APLF: variants seen among roughly 807,000 people sequenced by gnomAD.
APLF encodes aprataxin and PNK-like factor.
Under a neutral mutation model 55.6 loss-of-function variants are expected in APLF, and 61 were observed. That is an observed-to-expected ratio of 1.10 (90% confidence interval 0.89 to 1.36). The LOEUF (loss-of-function observed/expected upper bound fraction) is 1.36, where lower values mean the gene tolerates loss of function less well. Among genes scored for constraint, APLF ranks in the 40% most tolerant of loss-of-function variants. APLF has a pLI of 0.00. For synonymous variants in APLF, 207 were observed against 214.8 expected (o/e 0.96, Z 0.32); for missense variants, 611 against 602.5 (o/e 1.01, Z -0.15).
chr2:68,536,371 T>G (rs1670386914), intron 6 of APLF, among the ~76,000 whole-genome samples: 1 of 152,208 alleles, frequency 6.6e-6, no homozygotes, highest in Admixed American at 6.5e-5. Flanking sequence ...AAATATCTTC[T>G]TAAGAAATTT....
chr2:68,517,379 AAT>A lies in APLF; in HGVS notation c.622+3704_622+3705del, dbSNP rs373411747. Among the ~76,000 whole-genome samples the A allele has an allele frequency of 8.8e-3, 1,158 of 131,722 alleles. 8 individuals are homozygous for A. The highest frequency in any genetic ancestry group is 0.016 in the Admixed American group (198 of 12,146). 86.4% of individuals were successfully genotyped at this position (131,722 alleles called of 152,430 possible). A position where few individuals can be genotyped will look rare whatever the true frequency, so the allele number is the denominator to read the frequency against. ...TTACTATATAATATATTCATATAGT[AAT>A]ATATGTTATTACTATATATTAATAT... On this transcript the variant is annotated intron_variant, in intron 5 of 9. Transcript: ENST00000303795.
At chr2:68,512,624 T>C (rs1282428353) in intron 3 of APLF, among the ~76,000 whole-genome samples, 1 of 151,830 alleles carries the variant, frequency 6.6e-6, no homozygotes, top group Non-Finnish European at 1.5e-5. Context: ...ATTTCATAAG[T>C]AGCTCTTTAA....
At chr2:68,563,822 G>A (rs1239082727) in intron 8 of APLF, among the ~76,000 whole-genome samples, 3 of 151,942 alleles carry the variant, frequency 2.0e-5, no homozygotes, top group Non-Finnish European at 1.5e-5. Flanking sequence ...GGTACCCGAA[G>A]CAAACATATA....
intron 1 of APLF, among the ~76,000 whole-genome samples, chr2:68,480,853 T>G (rs1573152459): frequency 6.6e-6 from 1 of 152,192 alleles, no homozygotes; most frequent in South Asian, 2.1e-4. Flanking sequence ...ATATTTTTTC[T>G]GAATCTCTTG....
At chr2:68,568,431 T>G (rs1573276184) in intron 9 of APLF, 2 of 449,812 alleles carry the variant, frequency 4.4e-6, no homozygotes, top group Middle Eastern at 1.1e-3. Context: ...AGTGCTTTAG[T>G]ACTCCAGACA....
chr2:68,548,398 C>G (rs976606704), intron 8 of APLF, among the ~76,000 whole-genome samples: 11 of 151,766 alleles, frequency 7.2e-5, no homozygotes, highest in Admixed American at 1.3e-4. Flanking sequence ...TTTTAAATTG[C>G]TATTGCTTTT....
chr2:68,502,108 T>C (rs1313910323), intron 2 of APLF, among the ~76,000 whole-genome samples: 1 of 152,154 alleles, frequency 6.6e-6, no homozygotes, highest in Non-Finnish European at 1.5e-5. Flanking sequence ...CCCGAGATAA[T>C]GAATCCACTC....
chr2:68,502,839 G>A lies in APLF; in HGVS notation c.277G>A (p.Val93Ile), dbSNP rs1360721585. Residue 93 changes from valine to isoleucine, a missense_variant, in exon 3 of 10, where the codon GTT becomes ATT. Coordinates refer to ENST00000303795, the MANE Select transcript of APLF (RefSeq NM_173545.3). Reference sequence around the variant, plus strand: ...TCCTGGAGACAGCTTTTCTTTGTTAGTTGACAAATACATTTTCCGCATTCT... The same window carrying A: ...TCCTGGAGACAGCTTTTCTTTGTTAATTGACAAATACATTTTCCGCATTCT... ...LNPGDSFSLL[V>I]DKYIFRILSI... 5 of 1,606,622 alleles carry A rather than the reference G, an allele frequency of 3.1e-6. No homozygotes were observed. In the Admixed American group the frequency reaches 6.9e-5, roughly 22 times the overall value.
chr2:68,493,569 C>A (rs530796669), intron 2 of APLF, among the ~76,000 whole-genome samples: 68 of 152,236 alleles, frequency 4.5e-4, no homozygotes, highest in African/African-American at 1.5e-3. Flanking sequence ...ATGATAACTA[C>A]AACAGGGAGA....
rs1197285123 is a variant in APLF, at chr2:68,579,978, A to G, written c.*1956A>G. The G allele has an allele frequency of 1.1e-6, 1 of 872,252 alleles. No homozygotes were observed. The highest frequency in any genetic ancestry group is 6.2e-5 in the Admixed American group (1 of 16,084). 54.0% of individuals were successfully genotyped at this position (872,252 alleles called of 1,614,324 possible). A position where few individuals can be genotyped will look rare whatever the true frequency, so the allele number is the denominator to read the frequency against. ...TCAATAAATCTGTCACAAAAAAGTA[A>G]TGCAAAGGGTAATACCAGTCTTTTA... On this transcript the variant is annotated 3_prime_UTR_variant, in exon 10 of 10. Transcript: ENST00000303795.
At chr2:68,575,700 T>C (rs1224343454) in intron 9 of APLF, among the ~76,000 whole-genome samples, 1 of 151,868 alleles carries the variant, frequency 6.6e-6, no homozygotes, top group Non-Finnish European at 1.5e-5. Flanking sequence ...GATTTCTTGC[T>C]AAAACAACTA....
chr2:68,531,844 A>G (rs1261141053), intron 6 of APLF, among the ~76,000 whole-genome samples: 1 of 152,238 alleles, frequency 6.6e-6, no homozygotes, highest in Non-Finnish European at 1.5e-5. Context: ...TAGATTATAG[A>G]GAGGAGCAGA....
Position 68,542,652 on chromosome 2 carries a change from A to C in APLF, c.1161-2535A>C, listed in dbSNP as rs1670589063. On this transcript the variant is annotated intron_variant, in intron 7 of 9. Transcript: ENST00000303795. ...TGCTTTCAAAAACGAAATGAAAAAC[A>C]AGTAACAATTGTTGATGGGGATGTG... 2.0e-5 allele frequency among the ~76,000 whole-genome samples: 3 copies of C among 152,190 alleles called. No homozygotes were observed. The South Asian group carries it at 6.2e-4, about 32-fold the overall frequency.
chr2:68,569,696 G>T (rs1671401089), intron 9 of APLF, among the ~76,000 whole-genome samples: 1 of 152,106 alleles, frequency 6.6e-6, no homozygotes, highest in South Asian at 2.1e-4. Context: ...TAGAATAAAG[G>T]GTTAGAACTA....
At chr2:68,574,080 T>TAAA (rs74533891) in intron 9 of APLF, among the ~76,000 whole-genome samples, 1 of 129,624 alleles carries the variant, frequency 7.7e-6, no homozygotes, top group Non-Finnish European at 1.7e-5. Context: ...TAACCCAAAT[T>TAAA]AAAAAAAAAA....
chr2:68,477,491 A>C (rs1319392477), intron 1 of APLF, among the ~76,000 whole-genome samples: 2 of 151,968 alleles, frequency 1.3e-5, no homozygotes, highest in Non-Finnish European at 2.9e-5. Flanking sequence ...TAAAAAAAAA[A>C]TTAGCTAGGC....
intron 4 of APLF, 149 bp downstream of exon 4, chr2:68,513,376 C>T: frequency 8.0e-7 from 1 of 1,242,958 alleles, no homozygotes; most frequent in South Asian, 1.5e-5. Flanking sequence ...GAGAATATGG[C>T]AGTAATCCAA....
intron 5 of APLF, among the ~76,000 whole-genome samples, chr2:68,518,505 A>C (rs1342139818): frequency 8.5e-6 from 1 of 117,186 alleles, no homozygotes; most frequent in Admixed American, 1.0e-4. Flanking sequence ...ATATATAATA[A>C]TGTTAATATA....
chr2:68,558,894 A>G (rs1259475423), intron 8 of APLF, among the ~76,000 whole-genome samples: 1 of 152,166 alleles, frequency 6.6e-6, no homozygotes, highest in East Asian at 1.9e-4. Context: ...AAGTGAGAAC[A>G]TATGGTGTTT....
Sources: gnomAD v4.1 joint callset for allele counts (sites outside exome capture counted in the v4.1 genomes callset) on GRCh38, gnomAD v4.1.1 for gene constraint, MANE v1.5 for transcripts, NCBI Gene and HGNC (gene_info 2026-07-23, HGNC 2026-07-21) for gene names.